The following PSD3 variants were observed in gnomAD, a reference collection of about 807,000 sequenced individuals.
The protein encoded by PSD3 is PH and SEC7 domain-containing protein 3.
A neutral mutation model predicts 105.5 loss-of-function variants in PSD3; 49 were observed. The ratio of observed to expected loss-of-function variants is 0.46; its 90% CI spans 0.37 to 0.59. PSD3 has a LOEUF of 0.59. PSD3 is among the 20% of genes least tolerant of loss of function. The pLI is 0.00. For synonymous variants in PSD3, 557 were observed against 457.8 expected (o/e 1.22, Z -2.77); for missense variants, 1,561 against 1,263.8 (o/e 1.24, Z -3.57).
chr8:18,930,526 T>C (rs1821673705), intron 2 of PSD3, among the ~76,000 whole-genome samples: 1 of 152,030 alleles, frequency 6.6e-6, no homozygotes, highest in South Asian at 2.1e-4. Context: ...AATGGCCTAG[T>C]GGTACAGAAC....
intron 11 of PSD3, among the ~76,000 whole-genome samples, chr8:18,616,188 T>A (rs10106872): frequency 6.6e-6 from 1 of 151,962 alleles, no homozygotes; most frequent in South Asian, 2.1e-4. Flanking sequence ...GAGGTGATGC[T>A]GCTCCACGAT....
chr8:18,834,840 C>G (rs895509722), intron 4 of PSD3, among the ~76,000 whole-genome samples: 3 of 152,136 alleles, frequency 2.0e-5, no homozygotes, highest in Non-Finnish European at 4.4e-5. Flanking sequence ...ATAAACCCAA[C>G]GCCTGTGACA....
intron 4 of PSD3, among the ~76,000 whole-genome samples, chr8:18,845,445 C>T (rs1488774271): frequency 6.6e-6 from 1 of 152,178 alleles, no homozygotes; most frequent in East Asian, 1.9e-4. Flanking sequence ...CAGTCCTTCA[C>T]TCGTCACTTC....
chr8:18,735,007 A>G (rs1804042885), intron 9 of PSD3, among the ~76,000 whole-genome samples: 1 of 152,262 alleles, frequency 6.6e-6, no homozygotes, highest in Non-Finnish European at 1.5e-5. Flanking sequence ...CCTTGAAAGC[A>G]ATAATTCAGA....
chr8:19,023,230 T>A (rs1271715931), intron 1 of PSD3, among the ~76,000 whole-genome samples: 2 of 152,170 alleles, frequency 1.3e-5, no homozygotes, highest in East Asian at 3.9e-4. Context: ...ATTTCCTATT[T>A]CTCACAGCTA....
intron 2 of PSD3, among the ~76,000 whole-genome samples, chr8:18,879,850 TGG>T (rs1818003478): frequency 6.6e-6 from 1 of 151,700 alleles, no homozygotes; most frequent in African/African-American, 2.4e-5. Flanking sequence ...CTCCCACCCT[TGG>T]CCTCCCAAAG....
At chr8:18,998,205 G>C (rs1256929745) in intron 1 of PSD3, among the ~76,000 whole-genome samples, 1 of 151,862 alleles carries the variant, frequency 6.6e-6, no homozygotes, top group Non-Finnish European at 1.5e-5. Flanking sequence ...TAAGTCACTT[G>C]GTATGCACAT....
intron 11 of PSD3, among the ~76,000 whole-genome samples, chr8:18,614,627 T>C (rs1322400392): frequency 1.3e-5 from 2 of 152,120 alleles, no homozygotes; most frequent in African/African-American, 4.8e-5. Flanking sequence ...TTGTGACAAG[T>C]GACTTCAAAC....
At chr8:18,538,796 G>A (rs975260013) in intron 15 of PSD3, among the ~76,000 whole-genome samples, 3 of 152,194 alleles carry the variant, frequency 2.0e-5, no homozygotes, top group Non-Finnish European at 4.4e-5. Context: ...AGCTCCAGCT[G>A]CAAAGCTATT....
chr8:18,642,468 T>C (rs1435786077), intron 10 of PSD3, among the ~76,000 whole-genome samples: 3 of 152,184 alleles, frequency 2.0e-5, no homozygotes, highest in Non-Finnish European at 4.4e-5. Context: ...TCTTGTATCA[T>C]TCCTCATCAA....
chr8:18,608,654 T>G (rs929515302), intron 11 of PSD3, among the ~76,000 whole-genome samples: 1 of 152,206 alleles, frequency 6.6e-6, no homozygotes, highest in East Asian at 1.9e-4. Flanking sequence ...AAAAGTGAAA[T>G]GCTTAACGGG....
At position 18,752,554 on chromosome 8, in the gene PSD3, A is replaced by AATATATAT. The variant is rs1554489475; in HGVS notation, c.2172+12894_2172+12895insATATATAT. On this transcript the variant is annotated intron_variant, in intron 9 of 15. Transcript: ENST00000327040. Reference sequence around the variant, plus strand: ...ATTATATATTATATATATTATATATAATTATATATATTATATATATAATTA... The same window carrying AATATATAT: ...ATTATATATTATATATATTATATATAATATATATATTATATATATTATATATATAATTA... 9.1e-3 allele frequency among the ~76,000 whole-genome samples: 179 copies of AATATATAT among 19,672 alleles called. 3 individuals carry two copies. The highest frequency in any genetic ancestry group is 0.02 in the African/African-American group (166 of 8,132). 12.9% of individuals were successfully genotyped at this position (19,672 alleles called of 152,430 possible).
At chr8:18,679,515 T>C (rs1800264421) in intron 9 of PSD3, among the ~76,000 whole-genome samples, 1 of 152,244 alleles carries the variant, frequency 6.6e-6, no homozygotes, top group Admixed American at 6.5e-5. Context: ...AAACTACCTT[T>C]GTTAAATCTA....
intron 9 of PSD3, among the ~76,000 whole-genome samples, chr8:18,761,138 T>A (rs2129442733): frequency 6.6e-6 from 1 of 152,198 alleles, no homozygotes; most frequent in African/African-American, 2.4e-5. Context: ...TTTAAAAATG[T>A]GGGAAGAAGG....
chr8:18,941,101 A>G (rs971215530), intron 1 of PSD3, among the ~76,000 whole-genome samples: 2 of 152,190 alleles, frequency 1.3e-5, no homozygotes, highest in African/African-American at 4.8e-5. Flanking sequence ...TTAATGACAG[A>G]CCCACAGAAT....
chr8:18,666,994 T>C (rs1799505579), intron 9 of PSD3, among the ~76,000 whole-genome samples: 1 of 152,148 alleles, frequency 6.6e-6, no homozygotes, highest in Non-Finnish European at 1.5e-5. Flanking sequence ...TTCATGGTCT[T>C]GCTGGATGTG....
intron 9 of PSD3, among the ~76,000 whole-genome samples, chr8:18,709,566 C>A (rs1195461748): frequency 6.6e-6 from 1 of 152,230 alleles, no homozygotes; most frequent in Non-Finnish European, 1.5e-5. Context: ...CAGAAGTCAT[C>A]AGACACCTCA....
intron 8 of PSD3, among the ~76,000 whole-genome samples, chr8:18,785,180 T>A (rs1809022391): frequency 6.6e-6 from 1 of 152,206 alleles, no homozygotes; most frequent in Non-Finnish European, 1.5e-5. Context: ...TTCTTATTTG[T>A]CATAGTATCA....
intron 2 of PSD3, among the ~76,000 whole-genome samples, chr8:18,909,425 G>A (rs1194207421): frequency 6.6e-6 from 1 of 152,004 alleles, no homozygotes; most frequent in East Asian, 1.9e-4. Context: ...GGATAAAAGG[G>A]TATTTGGTCT....
Sources: allele counts gnomAD v4.1 joint callset (sites outside exome capture counted in the v4.1 genomes callset), GRCh38; gene constraint gnomAD v4.1.1; transcripts MANE v1.5; gene names NCBI Gene and HGNC (gene_info 2026-07-23, HGNC 2026-07-21).